The following HHLA1 variants were observed in gnomAD, a reference collection of about 807,000 sequenced individuals.
The protein encoded by HHLA1 is HHLA1 neighbor of OC90.
Under a neutral mutation model 69.9 loss-of-function variants are expected in HHLA1, and 72 were observed. The observed-to-expected ratio is 1.03, with a 90% CI of 0.85 to 1.25. HHLA1 has a LOEUF of 1.25. HHLA1 is among the 50% of genes most tolerant of loss of function. The pLI is 0.00. For synonymous variants in HHLA1, 252 were observed against 233.2 expected, an observed-to-expected ratio of 1.08 and a Z score of -0.73; for missense variants, 685 against 642.2, an observed-to-expected ratio of 1.07 and a Z score of -0.72.
intron 14 of HHLA1, among the ~76,000 whole-genome samples, chr8:132,072,138 T>C (rs574720890): frequency 6.6e-6 from 1 of 152,330 alleles, no homozygotes; most frequent in East Asian, 1.9e-4. Context: ...AAGTTAATTA[T>C]GTTTCCGTGA....
In HHLA1 at chr8:132,087,840, T is replaced by C; in HGVS notation, c.589+5A>G. On this transcript the variant is annotated splice_donor_5th_base_variant and intron_variant, in intron 9 of 16. Coordinates refer to ENST00000414222, the MANE Select transcript of HHLA1 (RefSeq NM_001145095.3). ...GAGCTTGTCAAAGAATGTCTAGTGG[T>C]TTACCTGACTTTCCTGTCATCACAC... 1 of 1,551,054 alleles carries C rather than the reference T, an allele frequency of 6.4e-7. No individual in the cohort carries two copies.
Position 132,087,704 on chromosome 8 carries a change from T to C in HHLA1, c.625A>G (p.Lys209Glu). The change falls in exon 10 of 17, where the codon AAA (lysine) becomes GAA (glutamate). Residue 209 changes from lysine (K) to glutamate (E), a missense_variant. Physicochemically the swap from Lys to Glu is moderately conservative, Grantham distance 56 (BLOSUM62 1). Transcript: ENST00000414222. ...AATGTGTAATTGATAATGGGATATT[T>C]TTCTTCTATCTCCCAGAAGTCAGAA... ...NLSDFWEIEE[K>E]YPIINYTFTS... is the part of the protein sequence containing the mutation. 1 of 1,551,550 alleles carries C rather than the reference T, an allele frequency of 6.4e-7. No individual in the cohort carries two copies. The highest frequency in any genetic ancestry group is 8.7e-7 in the Non-Finnish European group (1 of 1,146,884).
At chr8:132,077,624 CTGTG>C (rs1443718795) in intron 12 of HHLA1, 98 bp downstream of exon 12, 7 of 1,156,796 alleles carry the variant, frequency 6.1e-6, no homozygotes, top group African/African-American at 1.6e-5. Flanking sequence ...TCTTAGTTTT[CTGTG>C]TGTGTATTAT....
At position 132,063,891 on chromosome 8, in the gene HHLA1, G is replaced by A; in HGVS notation, c.*104C>T. ...TTTAAATTAACTGATGATCTAGCTG[G>A]AGCCTGGGTGAATTCTTCAAATGTA... On this transcript the variant is annotated 3_prime_UTR_variant, in exon 17 of 17. Coordinates refer to ENST00000414222, the MANE Select transcript of HHLA1 (RefSeq NM_001145095.3). The A allele has an allele frequency of 4.6e-6, 2 of 434,500 alleles. No homozygotes were observed. The highest frequency in any genetic ancestry group is 5.9e-5 in the South Asian group (2 of 33,642). The allele number at this position is 434,500 out of a possible 1,614,324, so 26.9% of individuals were successfully genotyped here. A position where few individuals can be genotyped will look rare whatever the true frequency, so the allele number is the denominator to read the frequency against.
intron 14 of HHLA1, 51 bp from the exon 15 acceptor site, chr8:132,071,544 T>A (rs916641985): frequency 2.0e-6 from 3 of 1,522,322 alleles, no homozygotes; most frequent in African/African-American, 2.8e-5. Flanking sequence ...TTAGTAAGCA[T>A]CTTCTCTTCG....
At chr8:132,086,041 C>A (rs1406076785) in intron 10 of HHLA1, among the ~76,000 whole-genome samples, 1 of 152,098 alleles carries the variant, frequency 6.6e-6, no homozygotes, top group African/African-American at 2.4e-5. Flanking sequence ...ATAAGAAGCT[C>A]CCAGACAGAA....
intron 15 of HHLA1, 44 bp from the exon 16 acceptor site, chr8:132,066,012 T>C (rs1168269704): frequency 1.1e-6 from 1 of 877,858 alleles, no homozygotes; most frequent in Non-Finnish European, 1.7e-6. Context: ...TATCCTGTGA[T>C]GGCTATTAGA....
intron 14 of HHLA1, among the ~76,000 whole-genome samples, chr8:132,072,037 AAAG>A (rs1823555199): frequency 6.6e-6 from 1 of 152,066 alleles, no homozygotes; most frequent in Non-Finnish European, 1.5e-5. Context: ...AAAAGGAGAG[AAAG>A]AAGGGCAGGT....
At chr8:132,076,419 T>TTCCCCCCCCCC in intron 13 of HHLA1, 56 bp downstream of exon 13, 20 of 596,400 alleles carry the variant, frequency 3.4e-5, no homozygotes, top group Middle Eastern at 4.5e-4. Flanking sequence ...TCCCCAAGCT[T>TTCCCCCCCCCC]CCCACCCCTC....
intron 5 of HHLA1, among the ~76,000 whole-genome samples, chr8:132,097,697 C>G (rs1213964267): frequency 1.3e-5 from 2 of 152,222 alleles, no homozygotes; most frequent in Admixed American, 1.3e-4. Context: ...ACAGGTAGAT[C>G]ACTGCCTTCT....
At chr8:132,072,334 A>G (rs1823561237) in intron 14 of HHLA1, among the ~76,000 whole-genome samples, 2 of 152,216 alleles carry the variant, frequency 1.3e-5, no homozygotes, top group Non-Finnish European at 2.9e-5. Context: ...CCTATCATAT[A>G]GAATGACTGG....
At chr8:132,094,995 A>T (rs1249905815) in intron 7 of HHLA1, among the ~76,000 whole-genome samples, 2 of 152,244 alleles carry the variant, frequency 1.3e-5, no homozygotes, top group Non-Finnish European at 2.9e-5. Flanking sequence ...TGGGAAAAAA[A>T]AGTTCAGATA....
In HHLA1 at chr8:132,077,862, C is replaced by T; in HGVS notation, c.1035G>A (p.Gly345=). 1.9e-6 allele frequency: 3 copies of T among 1,551,502 alleles called. No homozygotes were observed. Among genetic ancestry groups the T allele is most frequent in the South Asian group, 1.2e-5 (1 of 84,048 alleles). Residue 345 remains glycine (G), a synonymous_variant, in exon 12 of 17, where the codon GGG becomes GGA. Transcript: ENST00000414222. ...GGGAAGAACGAGTTTCCCAGAGAGACCCTCCAGGTTTTTTCTCACTGATGG... is the reference window on the plus strand; with the variant it reads ...GGGAAGAACGAGTTTCCCAGAGAGATCCTCCAGGTTTTTTCTCACTGATGG... ...AQTISEKKPG[G]SLWETRSSPP...
At chr8:132,094,490 G>A (rs2436095) in intron 7 of HHLA1, among the ~76,000 whole-genome samples, 13,456 of 152,126 alleles carry the variant, frequency 0.088, 741 homozygotes, top group South Asian at 0.23. Context: ...AGTTATGCTG[G>A]CTTCTCTGGT....
intron 12 of HHLA1, among the ~76,000 whole-genome samples, chr8:132,077,409 C>T (rs1823663230): frequency 6.6e-6 from 1 of 152,064 alleles, no homozygotes; most frequent in African/African-American, 2.4e-5. Context: ...GAATTTCAGG[C>T]CCGGGTCCAT....
chr8:132,098,805 G>A, intron 5 of HHLA1, 77 bp downstream of exon 5: 2 of 860,754 alleles, frequency 2.3e-6, no homozygotes, highest in Non-Finnish European at 1.8e-6. Context: ...TCTTGTCAAG[G>A]CAACAGAAAG....
In HHLA1 at chr8:132,062,240, T is replaced by G. The variant is rs547074178; in HGVS notation, c.*1755A>C. On this transcript the variant is annotated 3_prime_UTR_variant, in exon 17 of 17. Transcript: ENST00000414222. ...TTGCAAAAGTCATGATAATATACATTTATGAGCTTGACATTTGCATAACTT... is the reference window on the plus strand; with the variant it reads ...TTGCAAAAGTCATGATAATATACATGTATGAGCTTGACATTTGCATAACTT... The G allele has an allele frequency of 2.6e-5, 4 of 152,214 alleles. No individual in the cohort carries two copies. Among genetic ancestry groups the G allele is most frequent in the African/African-American group, 4.8e-5 (2 of 41,450 alleles). The allele number at this position is 152,214 out of a possible 1,614,324, so 9.4% of individuals were successfully genotyped here.
chr8:132,107,420 A>C (rs2469500), intron 1 of HHLA1, among the ~76,000 whole-genome samples: 45,072 of 151,746 alleles, frequency 0.3, 7,185 homozygotes, highest in Non-Finnish European at 0.36. Context: ...CATGCCTTAG[A>C]CTCCCGAGCA....
intron 15 of HHLA1, 56 bp downstream of exon 15, chr8:132,071,284 C>A: frequency 6.8e-7 from 1 of 1,471,962 alleles, no homozygotes. Flanking sequence ...AAAAGCCACA[C>A]GGAATAAGAA....
Sources: gnomAD v4.1 joint callset for allele counts (sites outside exome capture counted in the v4.1 genomes callset) on GRCh38, gnomAD v4.1.1 for gene constraint, MANE v1.5 for transcripts, NCBI Gene and HGNC (gene_info 2026-07-23, HGNC 2026-07-21) for gene names.